Variants in DMD observed in about 807,000 individuals in gnomAD.
DMD encodes mutant dystrophin.
In DMD, 63 loss-of-function variants were observed where a neutral mutation model predicts 330.1. That is an observed-to-expected ratio of 0.19 (90% CI 0.16 to 0.24). The LOEUF is 0.24. DMD is among the 10% of genes least tolerant of loss of function. The pLI is 1.00. For missense variants in DMD, 3,344 were observed against 2,684.1 expected (o/e 1.25, Z -5.43); for synonymous variants, 1,223 against 959.8 (o/e 1.27, Z -5.07).
At chrX:32,112,757 T>C (rs1302181305) in intron 44 of DMD, among the ~76,000 whole-genome samples, 2 of 111,682 alleles carry the variant, frequency 1.8e-5, no homozygotes, top group African/African-American at 6.5e-5. Flanking sequence ...GAGGGCTAGG[T>C]ATCATGCTTC....
At chrX:32,751,431 C>G (rs1016595688) in intron 7 of DMD, among the ~76,000 whole-genome samples, 9 of 111,461 alleles carry the variant, frequency 8.1e-5, no homozygotes, top group Non-Finnish European at 1.7e-4. Flanking sequence ...TTATAGGGAA[C>G]TTTGAGCTTG....
At chrX:32,853,769 G>GAAAAAAAAAAAAAAAAAAAAAAA (rs1162458210) in intron 2 of DMD, among the ~76,000 whole-genome samples, 1 of 56,086 alleles carries the variant, frequency 1.8e-5, no homozygotes, top group Non-Finnish European at 3.1e-5. Flanking sequence ...CACAGTGACA[G>GAAAAAAAAAAAAAAAAAAAAAAA]AAAAAAAAAA....
Position 32,645,090 on chromosome X carries a change from C to G in DMD, c.1023G>C (p.Leu341=), listed in dbSNP as rs776707632. Residue 341 remains leucine (L), a synonymous_variant, in exon 10 of 79, where the codon CTG becomes CTC. Transcript: ENST00000357033. ...CTTCTAAAGCTGTTTGATAACGGTC[C>G]AGGTTTACTTCACTCTCCATCAATG... ...GSSLMESEVN[L]DRYQTALEEV... 1 of 1,209,761 alleles carries G rather than the reference C, an allele frequency of 8.3e-7. No individual in the cohort carries two copies. The highest frequency in any genetic ancestry group is 1.1e-6 in the Non-Finnish European group (1 of 895,181).
At chrX:31,617,751 C>T (rs1370031687) in intron 55 of DMD, among the ~76,000 whole-genome samples, 1 of 110,829 alleles carries the variant, frequency 9.0e-6, no homozygotes, top group Non-Finnish European at 1.9e-5. Flanking sequence ...ATAAATCATT[C>T]TACCATAAAG....
rs755325325 is a variant in DMD, at chrX:32,461,694, A to C, written c.3432+1745T>G. Reference sequence around the variant, plus strand: ...GATGTTTTCCCCTTGCTCTACATAAATTGGTGATGTTCTTTTTATTCATCC... The same window carrying C: ...GATGTTTTCCCCTTGCTCTACATAACTTGGTGATGTTCTTTTTATTCATCC... On this transcript the variant is annotated intron_variant, in intron 25 of 78. Coordinates refer to ENST00000357033, the MANE Select transcript of DMD (RefSeq NM_004006.3). 5.1e-4 allele frequency among the ~76,000 whole-genome samples: 57 copies of C among 110,823 alleles called. 1 individual carries two copies. Among genetic ancestry groups the C allele is most frequent in the African/African-American group, 1.8e-3 (55 of 30,563 alleles).
At chrX:32,353,174 C>T in intron 37 of DMD, among the ~76,000 whole-genome samples, 1 of 110,943 alleles carries the variant, frequency 9.0e-6, no homozygotes, top group Non-Finnish European at 1.9e-5. Flanking sequence ...AGTCTTTGGA[C>T]ACAAAGAGAT....
At chrX:31,338,668 T>C (rs1031024104) in intron 61 of DMD, among the ~76,000 whole-genome samples, 4 of 110,692 alleles carry the variant, frequency 3.6e-5, no homozygotes, top group African/African-American at 1.3e-4. Flanking sequence ...TCTATCTAAA[T>C]AGGGCTCTAC....
chrX:31,359,856 A>C (rs1037030350), intron 60 of DMD, among the ~76,000 whole-genome samples: 3 of 111,897 alleles, frequency 2.7e-5, no homozygotes, highest in Admixed American at 9.5e-5. Flanking sequence ...AGTTGGAGAG[A>C]CCACTTTCTG....
chrX:32,100,620 C>T (rs2096535505), intron 44 of DMD, among the ~76,000 whole-genome samples: 1 of 110,890 alleles, frequency 9.0e-6, no homozygotes, highest in African/African-American at 3.3e-5. Context: ...TGTCAATTTG[C>T]CTATTAAAAT....
chrX:32,249,865 T>C (rs1335783527), intron 43 of DMD, among the ~76,000 whole-genome samples: 1 of 111,750 alleles, frequency 8.9e-6, no homozygotes, highest in Non-Finnish European at 1.9e-5. Context: ...TCAGAGATGC[T>C]TCCTTGGCTG....
At chrX:31,515,218 A>C (rs2072071545) in intron 55 of DMD, among the ~76,000 whole-genome samples, 1 of 111,799 alleles carries the variant, frequency 8.9e-6, no homozygotes, top group African/African-American at 3.2e-5. Context: ...CCATTTTATT[A>C]ACCATTAAGC....
chrX:31,730,310 C>T (rs770589406), intron 51 of DMD, among the ~76,000 whole-genome samples: 28 of 111,459 alleles, frequency 2.5e-4, no homozygotes, highest in African/African-American at 7.8e-4. Flanking sequence ...TTTTGCCTCC[C>T]TCCAGAACTA....
At chrX:32,409,142 T>C (rs1384280160) in intron 30 of DMD, among the ~76,000 whole-genome samples, 1 of 111,627 alleles carries the variant, frequency 9.0e-6, no homozygotes, top group African/African-American at 3.2e-5. Context: ...AGAAAACAAT[T>C]CACTTACTGC....
At chrX:32,986,238 A>G (rs1307124837) in intron 2 of DMD, among the ~76,000 whole-genome samples, 2 of 111,984 alleles carry the variant, frequency 1.8e-5, no homozygotes, top group East Asian at 5.6e-4. Context: ...TACTACTAAT[A>G]TTTGTATTAC....
intron 12 of DMD, among the ~76,000 whole-genome samples, chrX:32,605,076 G>C (rs766829662): frequency 5.4e-5 from 6 of 110,702 alleles, no homozygotes; most frequent in Non-Finnish European, 1.1e-4. Flanking sequence ...AATCAAAAAA[G>C]AGCCCAAATA....
In DMD at chrX:31,363,391, T is replaced by TA. The variant is rs1569532876; in HGVS notation, c.9085-14758_9085-14757insT. Reference sequence around the variant, plus strand: ...ATGTATCTTTTTTTTTTTTTTTTTTTTTTTTTTTGAGACAGAGTCTTGCTC... The same window carrying TA: ...ATGTATCTTTTTTTTTTTTTTTTTTTATTTTTTTTGAGACAGAGTCTTGCTC... On this transcript the variant is annotated intron_variant, in intron 60 of 78. Coordinates refer to ENST00000357033, the MANE Select transcript of DMD (RefSeq NM_004006.3). Among the ~76,000 whole-genome samples, 100 of 89,527 alleles carry TA rather than the reference T, an allele frequency of 1.1e-3. 1 individual carries two copies. Among genetic ancestry groups the TA allele is most frequent in the African/African-American group, 4.3e-3 (99 of 23,154 alleles). The allele number at this position is 89,527 out of a possible 115,157, so 77.7% of individuals were successfully genotyped here. A position where few individuals can be genotyped will look rare whatever the true frequency, so the allele number is the denominator to read the frequency against.
intron 50 of DMD, among the ~76,000 whole-genome samples, chrX:31,775,275 G>A (rs2074294803): frequency 9.0e-6 from 1 of 111,295 alleles, no homozygotes; most frequent in Admixed American, 9.6e-5. Flanking sequence ...TATAGTAGGT[G>A]ATCAATAGTG....
chrX:31,863,054 C>T (rs927105476), intron 48 of DMD, among the ~76,000 whole-genome samples: 3 of 112,776 alleles, frequency 2.7e-5, no homozygotes, highest in African/African-American at 9.6e-5. Context: ...ATTAAAACAG[C>T]ATGTTGCGGC....
At chrX:31,363,920 C>G (rs6628597) in intron 60 of DMD, among the ~76,000 whole-genome samples, 1 of 111,084 alleles carries the variant, frequency 9.0e-6, no homozygotes, top group Admixed American at 9.5e-5. Flanking sequence ...CACTAGTGTA[C>G]AGTAAACTTT....
Sources: allele counts gnomAD v4.1 joint callset (sites outside exome capture counted in the v4.1 genomes callset), GRCh38; gene constraint gnomAD v4.1.1; transcripts MANE v1.5; gene names NCBI Gene and HGNC (gene_info 2026-07-23, HGNC 2026-07-21).